The following PHF20 variants were observed in gnomAD, a reference collection of about 807,000 sequenced individuals.
PHF20 encodes the protein glioma-expressed antigen 2.
A neutral mutation model predicts 113.5 loss-of-function variants in PHF20; 23 were observed. That is an observed-to-expected ratio of 0.20 (90% confidence interval 0.15 to 0.29). The LOEUF (loss-of-function observed/expected upper bound fraction) is 0.29. Among genes scored for constraint, PHF20 ranks in the 10% least tolerant of loss-of-function variants. The pLI is 1.00. For missense variants in PHF20, 943 were observed against 1,219.6 expected, an observed-to-expected ratio of 0.77 and a Z score of 3.38; for synonymous variants, 434 against 457.3, an observed-to-expected ratio of 0.95 and a Z score of 0.65.
intron 2 of PHF20, among the ~76,000 whole-genome samples, chr20:35,835,181 A>G (rs2042418384): frequency 1.3e-5 from 2 of 152,140 alleles, no homozygotes; most frequent in Admixed American, 6.5e-5. Flanking sequence ...AGGCTGAGGC[A>G]GGAGAATCGC....
At chr20:35,775,377 C>T (rs2041151204) in intron 1 of PHF20, among the ~76,000 whole-genome samples, 1 of 152,102 alleles carries the variant, frequency 6.6e-6, no homozygotes, top group Non-Finnish European at 1.5e-5. Flanking sequence ...TATCCAGACA[C>T]ACATCCCTTA....
intron 5 of PHF20, among the ~76,000 whole-genome samples, chr20:35,859,616 C>T (rs1322118241): frequency 2.6e-5 from 4 of 151,326 alleles, no homozygotes; most frequent in East Asian, 1.9e-4. Context: ...GCAATCTTGG[C>T]CCACTGCAAC....
At position 35,941,065 on chromosome 20, in the gene PHF20, G is replaced by A; in HGVS notation, c.2896+18G>A. ...GTTGGATGGTAGGGCTCCTTCATTG[G>A]CCCCCTGTGCATTGGCATGCAGTCG... On this transcript the variant is annotated intron_variant, in intron 17 of 17. Transcript: ENST00000374012. The A allele has an allele frequency of 1.2e-6, 2 of 1,604,580 alleles. No homozygotes were observed. Among genetic ancestry groups the A allele is most frequent in the Non-Finnish European group, 1.7e-6 (2 of 1,173,728 alleles).
intron 9 of PHF20, among the ~76,000 whole-genome samples, chr20:35,891,724 G>A (rs2054866218): frequency 6.6e-6 from 1 of 152,194 alleles, no homozygotes; most frequent in Non-Finnish European, 1.5e-5. Context: ...GTGAAGTCTA[G>A]AAAATATAAT....
intron 2 of PHF20, among the ~76,000 whole-genome samples, chr20:35,819,053 C>G (rs556376058): frequency 6.6e-6 from 1 of 152,052 alleles, no homozygotes; most frequent in Non-Finnish European, 1.5e-5. Flanking sequence ...GCTTCAGCCT[C>G]CTGTGTAGCT....
chr20:35,942,866 C>T (rs1049974304), intron 17 of PHF20, among the ~76,000 whole-genome samples: 3 of 151,918 alleles, frequency 2.0e-5, no homozygotes, highest in Non-Finnish European at 4.4e-5. Flanking sequence ...CTCTGTTGCC[C>T]GGGCTGGAGT....
rs149757727 is a variant in PHF20 at position 35,810,927 on chromosome 20, T to C, written c.83+9322T>C. On this transcript the variant is annotated intron_variant, in intron 2 of 17. Transcript: ENST00000374012. ...GGTAAGTGATTTGCTTACATTATAG[T>C]AGATAGTATTGCTGCAAGGTACAAC... Among the ~76,000 whole-genome samples, 43 of 152,262 alleles carry C rather than the reference T, an allele frequency of 2.8e-4. 2 individuals are homozygous for C. Among genetic ancestry groups the C allele is most frequent in the African/African-American group, 1.0e-3 (43 of 41,558 alleles).
intron 10 of PHF20, among the ~76,000 whole-genome samples, chr20:35,905,854 C>A (rs983283729): frequency 3.9e-5 from 6 of 152,222 alleles, no homozygotes; most frequent in African/African-American, 1.4e-4. Flanking sequence ...TTCTGTAATC[C>A]TGTCACTCAT....
At chr20:35,883,871 C>A (rs1297756418) in intron 9 of PHF20, among the ~76,000 whole-genome samples, 1 of 152,180 alleles carries the variant, frequency 6.6e-6, no homozygotes, top group Non-Finnish European at 1.5e-5. Context: ...GTGATGCAAA[C>A]TTCTGCTCTC....
rs568703444 is a variant in PHF20, at chr20:35,849,690, G to A, written c.340+2256G>A. On this transcript the variant is annotated intron_variant, in intron 4 of 17. Transcript: ENST00000374012. ...CTCTTTCCTTGGTATTTTCTGCTGT[G>A]CCTCAGGTTCATTCGTAGCAGTGGC... Among the ~76,000 whole-genome samples, 141 of 152,272 alleles carry A rather than the reference G, an allele frequency of 9.3e-4. 1 individual carries two copies. Among genetic ancestry groups the A allele is most frequent in the Non-Finnish European group, 1.8e-3 (124 of 68,014 alleles).
rs1416886072 is a variant in PHF20, at chr20:35,842,738, A to C, written c.249A>C (p.Gly83=). 1 of 1,613,136 alleles carries C rather than the reference A, an allele frequency of 6.2e-7. No individual in the cohort carries two copies. Among genetic ancestry groups the C allele is most frequent in the Non-Finnish European group, 8.5e-7 (1 of 1,179,586 alleles). ...LRKEGLHEED[G]SSEFQINEQV... is the part of the protein sequence containing the mutation. ...AAGAGGGCTTGCATGAAGAGGATGGATCTTCTGTGAGTAACAAATCTGGGA... is the reference window on the plus strand; with the variant it reads ...AAGAGGGCTTGCATGAAGAGGATGGCTCTTCTGTGAGTAACAAATCTGGGA... Residue 83 remains glycine (G), a synonymous_variant, in exon 3 of 18, where the codon GGA becomes GGC. Transcript: ENST00000374012.
chr20:35,910,185 G>A (rs1451814108), intron 10 of PHF20, among the ~76,000 whole-genome samples: 1 of 152,146 alleles, frequency 6.6e-6, no homozygotes, highest in Non-Finnish European at 1.5e-5. Context: ...ATATTGTATG[G>A]TTCCATATTT....
At chr20:35,851,970 G>A (rs2042741214) in intron 4 of PHF20, among the ~76,000 whole-genome samples, 1 of 152,096 alleles carries the variant, frequency 6.6e-6, no homozygotes, top group South Asian at 2.1e-4. Context: ...GGGTGACTTG[G>A]TGGTATTGAT....
chr20:35,909,569 T>G (rs1466688284), intron 10 of PHF20, among the ~76,000 whole-genome samples: 2 of 152,244 alleles, frequency 1.3e-5, no homozygotes, highest in African/African-American at 4.8e-5. Flanking sequence ...GACCATGTTT[T>G]GCCAGTCTGC....
chr20:35,905,546 G>T (rs2055188362), intron 10 of PHF20, among the ~76,000 whole-genome samples: 1 of 152,168 alleles, frequency 6.6e-6, no homozygotes, highest in Admixed American at 6.5e-5. Flanking sequence ...TCTGCAAACT[G>T]GGAAGAGGGG....
intron 1 of PHF20, among the ~76,000 whole-genome samples, chr20:35,791,048 G>A (rs950422418): frequency 1.3e-5 from 2 of 151,996 alleles, no homozygotes; most frequent in East Asian, 1.9e-4. Flanking sequence ...TAGTAGAGGC[G>A]AGGTTTCACC....
At chr20:35,849,762 C>G (rs2042686236) in intron 4 of PHF20, among the ~76,000 whole-genome samples, 1 of 151,528 alleles carries the variant, frequency 6.6e-6, no homozygotes, top group African/African-American at 2.4e-5. Context: ...GGCAAGGCGG[C>G]CCCTTTATTT....
At chr20:35,887,686 CA>C (rs1294581992) in intron 9 of PHF20, 6 of 151,638 alleles carry the variant, frequency 4.0e-5, no homozygotes, top group Non-Finnish European at 5.9e-5. Flanking sequence ...GTATCCTAGC[CA>C]ATGAGGTTTA....
At chr20:35,875,149 G>T (rs2054495626) in intron 9 of PHF20, among the ~76,000 whole-genome samples, 1 of 151,976 alleles carries the variant, frequency 6.6e-6, no homozygotes, top group African/African-American at 2.4e-5. Context: ...TGTAATCCCA[G>T]CACTCTCGGA....
Sources: allele counts gnomAD v4.1 joint callset (sites outside exome capture counted in the v4.1 genomes callset), GRCh38; gene constraint gnomAD v4.1.1; transcripts MANE v1.5; gene names NCBI Gene and HGNC (gene_info 2026-07-23, HGNC 2026-07-21).